The following ERBB4 variants were observed in gnomAD, a reference collection of about 807,000 sequenced individuals.
The protein encoded by ERBB4 is erb-b2 receptor tyrosine kinase 4, also known as receptor tyrosine-protein kinase erbB-4.
ERBB4 carries 42 observed loss-of-function variants against 158.0 expected under a neutral mutation model. That is an observed-to-expected ratio of 0.27 (90% CI 0.21 to 0.34). ERBB4 has a LOEUF of 0.34. Ranked by LOEUF, ERBB4 falls within the 10% of genes least tolerant of loss-of-function variation. ERBB4 has a pLI of 1.00. For synonymous variants in ERBB4, 583 were observed against 558.7 expected, an observed-to-expected ratio of 1.04 and a Z score of -0.61; for missense variants, 1,333 against 1,624.1, an observed-to-expected ratio of 0.82 and a Z score of 3.08.
chr2:211,967,953 A>T lies in ERBB4; in HGVS notation c.235-20337T>A, dbSNP rs1017013282. ...TGTGGGGATGTTAACTGTATAAAAC[A>T]AGGTAGAATCTAGCAAAGTATCAAA... On this transcript the variant is annotated intron_variant, in intron 2 of 27. Transcript: ENST00000342788. Among the ~76,000 whole-genome samples, 18 of 152,078 alleles carry T rather than the reference A, an allele frequency of 1.2e-4. No individual in the cohort carries two copies. The East Asian group carries it at 3.3e-3, about 28-fold the overall frequency.
chr2:211,516,162 C>T (rs894679674), intron 20 of ERBB4, among the ~76,000 whole-genome samples: 5 of 150,984 alleles, frequency 3.3e-5, no homozygotes, highest in African/African-American at 9.7e-5. Flanking sequence ...GTGATCCGCC[C>T]GCCTCGGCCT....
intron 20 of ERBB4, among the ~76,000 whole-genome samples, chr2:211,451,523 T>C (rs1041566452): frequency 6.6e-6 from 1 of 152,104 alleles, no homozygotes; most frequent in African/African-American, 2.4e-5. Flanking sequence ...TATTTCTCAA[T>C]GGTGGTCATG....
intron 5 of ERBB4, among the ~76,000 whole-genome samples, chr2:211,729,201 C>T (rs2074359808): frequency 6.6e-6 from 1 of 151,376 alleles, no homozygotes; most frequent in Non-Finnish European, 1.5e-5. Context: ...TATTATATTC[C>T]CTTTTAGAAA....
intron 3 of ERBB4, among the ~76,000 whole-genome samples, chr2:211,888,691 C>T (rs1049046536): frequency 6.6e-5 from 10 of 151,458 alleles, no homozygotes; most frequent in East Asian, 1.9e-4. Context: ...AGTGGGTGCG[C>T]GCACCGTGCG....
At position 212,237,927 on chromosome 2, in the gene ERBB4, C is replaced by G. The variant is rs187175025; in HGVS notation, c.83-113024G>C. 5.6e-3 allele frequency among the ~76,000 whole-genome samples: 847 copies of G among 152,292 alleles called. 4 individuals are homozygous for G. Among genetic ancestry groups the G allele is most frequent in the Admixed American group, 9.2e-3 (141 of 15,298 alleles). ...CTCAGTAATAGCGGACGCCCCTCCC[C>G]CAACAAAGCTCAAGTGTCCCAGGTT... On this transcript the variant is annotated intron_variant, in intron 1 of 27. Coordinates refer to ENST00000342788, the MANE Select transcript of ERBB4 (RefSeq NM_005235.3).
intron 20 of ERBB4, among the ~76,000 whole-genome samples, chr2:211,527,914 G>A (rs183062069): frequency 8.6e-5 from 13 of 151,882 alleles, no homozygotes; most frequent in South Asian, 2.1e-4. Context: ...AGAAAGTCAC[G>A]TTCACTAAAA....
chr2:212,229,119 T>C (rs1345625271), intron 1 of ERBB4, among the ~76,000 whole-genome samples: 1 of 152,132 alleles, frequency 6.6e-6, no homozygotes, highest in Non-Finnish European at 1.5e-5. Context: ...CATAGGTGAA[T>C]AATGTACAGT....
At chr2:211,974,338 A>G (rs1033980587) in intron 2 of ERBB4, among the ~76,000 whole-genome samples, 5 of 152,116 alleles carry the variant, frequency 3.3e-5, no homozygotes, top group Non-Finnish European at 5.9e-5. Flanking sequence ...AACTCCATGC[A>G]CATGTAAAGG....
intron 1 of ERBB4, among the ~76,000 whole-genome samples, chr2:212,370,273 T>C (rs1461531473): frequency 6.6e-6 from 1 of 152,184 alleles, no homozygotes; most frequent in Non-Finnish European, 1.5e-5. Flanking sequence ...TCTGCCATGA[T>C]TGAAAGTTTC....
chr2:211,678,113 T>A (rs182688377), intron 13 of ERBB4, among the ~76,000 whole-genome samples: 1 of 152,142 alleles, frequency 6.6e-6, no homozygotes, highest in East Asian at 1.9e-4. Flanking sequence ...AAATACCAGA[T>A]AAAATTAAAA....
chr2:211,575,306 G>A (rs1482439926), intron 19 of ERBB4, among the ~76,000 whole-genome samples: 1 of 152,022 alleles, frequency 6.6e-6, no homozygotes, highest in Non-Finnish European at 1.5e-5. Context: ...ACCTTTTTTG[G>A]TATAGATCAA....
intron 1 of ERBB4, among the ~76,000 whole-genome samples, chr2:212,365,714 T>C (rs1267886967): frequency 6.6e-6 from 1 of 151,922 alleles, no homozygotes; most frequent in African/African-American, 2.4e-5. Flanking sequence ...TATCCTTGTT[T>C]CGGTTTATAC....
At chr2:211,675,681 C>T (rs150235812) in intron 13 of ERBB4, among the ~76,000 whole-genome samples, 4 of 150,358 alleles carry the variant, frequency 2.7e-5, no homozygotes, top group Admixed American at 6.6e-5. Flanking sequence ...CAGTAATTGA[C>T]TGATTTTCAT....
chr2:212,360,488 G>A lies in ERBB4; in HGVS notation c.82+177961C>T, dbSNP rs993966789. On this transcript the variant is annotated intron_variant, in intron 1 of 27. Transcript: ENST00000342788. ...TCTCTGTTGCTTCCCTTATGTAACT[G>A]GAAGTAATTTCTTTTTTCCTCGGGA... 2.6e-5 allele frequency among the ~76,000 whole-genome samples: 4 copies of A among 151,492 alleles called. No individual in the cohort carries two copies. In the Admixed American group the frequency reaches 2.6e-4, roughly 10 times the overall value.
chr2:211,755,790 G>A (rs1241600194), intron 4 of ERBB4, among the ~76,000 whole-genome samples: 1 of 150,710 alleles, frequency 6.6e-6, no homozygotes, highest in Non-Finnish European at 1.5e-5. Flanking sequence ...ACCTGCATGT[G>A]GGATTCACTG....
chr2:211,749,396 G>T (rs1434704814), intron 5 of ERBB4, among the ~76,000 whole-genome samples: 1 of 152,132 alleles, frequency 6.6e-6, no homozygotes, highest in African/African-American at 2.4e-5. Flanking sequence ...GAAAAATGGG[G>T]TGAGTGCTTA....
chr2:211,406,809 A>G (rs1260387093), intron 25 of ERBB4, among the ~76,000 whole-genome samples: 1 of 152,208 alleles, frequency 6.6e-6, no homozygotes, highest in African/African-American at 2.4e-5. Context: ...GGCCAGGTGC[A>G]GTGCCTCATG....
chr2:212,472,042 T>C (rs551987395), intron 1 of ERBB4, among the ~76,000 whole-genome samples: 4 of 152,024 alleles, frequency 2.6e-5, no homozygotes, highest in Admixed American at 2.6e-4. Flanking sequence ...AACTATCATT[T>C]TATAACTAGT....
At chr2:211,451,762 A>G (rs551865612) in intron 20 of ERBB4, among the ~76,000 whole-genome samples, 1 of 152,298 alleles carries the variant, frequency 6.6e-6, no homozygotes, top group South Asian at 2.1e-4. Context: ...GTAGGCTAAC[A>G]TAAAGAACAA....
Sources: allele counts gnomAD v4.1 joint callset (sites outside exome capture counted in the v4.1 genomes callset), GRCh38; gene constraint gnomAD v4.1.1; transcripts MANE v1.5; gene names NCBI Gene and HGNC (gene_info 2026-07-23, HGNC 2026-07-21).